Variants in ULK1 observed in about 807,000 individuals in gnomAD.
ULK1 encodes the protein unc-51 like autophagy activating kinase 1.
Under a neutral mutation model 117.5 loss-of-function variants are expected in ULK1, and 48 were observed. The ratio of observed to expected loss-of-function variants is 0.41; its 90% CI spans 0.32 to 0.52. The LOEUF is 0.52. Ranked by LOEUF, ULK1 falls within the 20% of genes least tolerant of loss-of-function variation. The pLI is 0.29. For synonymous variants in ULK1, 790 were observed against 637.8 expected (o/e 1.24, Z -3.60); for missense variants, 1,387 against 1,473.4 (o/e 0.94, Z 0.96).
At chr12:131,918,837 TGGGGTGTCG>T (rs1890000128) in intron 23 of ULK1, among the ~76,000 whole-genome samples, 156 bp downstream of exon 23, 9 of 57,858 alleles carry the variant, frequency 1.6e-4, no homozygotes, top group Non-Finnish European at 2.8e-4. Flanking sequence ...GTGTGGGGTG[TGGGGTGTCG>T]GGTGTGTGGG....
At position 131,922,823 on chromosome 12, in the gene ULK1, GTGACTTCTTCCTCA is replaced by G. The variant is rs1890207898; in HGVS notation, c.*1464_*1477del. ...TTGGACTTAGAAGAAGAAAATCCCC[GTGACTTCTTCCTCA>G]TCACCTTGATGGCTTTATTCTCACC... is the stretch of plus-strand genomic sequence containing the variant. On this transcript the variant is annotated 3_prime_UTR_variant, in exon 28 of 28. Coordinates refer to ENST00000321867, the MANE Select transcript of ULK1 (RefSeq NM_003565.4). 6.6e-6 allele frequency: 1 copy of G among 152,494 alleles called. No homozygotes were observed. The highest frequency in any genetic ancestry group is 1.5e-5 in the Non-Finnish European group (1 of 68,040). 9.4% of individuals were successfully genotyped at this position (152,494 alleles called of 1,614,324 possible).
chr12:131,910,166 C>CG, intron 10 of ULK1, 88 bp from the exon 11 acceptor site: 1 of 1,588,246 alleles, frequency 6.3e-7, no homozygotes, highest in Non-Finnish European at 8.6e-7. Flanking sequence ...AGGTGCCCAA[C>CG]GCGGCTGGAG....
intron 3 of ULK1, chr12:131,898,372 A>G (rs1246937629): frequency 6.6e-6 from 1 of 152,096 alleles, no homozygotes; most frequent in Non-Finnish European, 1.5e-5. Flanking sequence ...ACCTCCGGAG[A>G]GGCAATGCCA....
rs1280442131 is a variant in ULK1, at chr12:131,922,000, G to A, written c.*639G>A. On this transcript the variant is annotated 3_prime_UTR_variant, in exon 28 of 28. Transcript: ENST00000321867. The stretch of plus-strand genomic sequence containing the variant: ...TGCTGCCCAGGTCTGGACCTCAGCG[G>A]GAGAACTGGCTCCGGGGGGAGTGGG... 2.2e-6 allele frequency: 1 copy of A among 455,122 alleles called. No individual in the cohort carries two copies. Among genetic ancestry groups the A allele is most frequent in the African/African-American group, 2.0e-5 (1 of 50,058 alleles). The allele number at this position is 455,122 out of a possible 1,614,324, so 28.2% of individuals were successfully genotyped here. A position where few individuals can be genotyped will look rare whatever the true frequency, so the allele number is the denominator to read the frequency against.
chr12:131,912,045 C>A lies in ULK1; in HGVS notation c.1052C>A (p.Ser351Tyr). The A allele has an allele frequency of 6.2e-7, 1 of 1,612,846 alleles. No homozygotes were observed. The highest frequency in any genetic ancestry group is 8.5e-7 in the Non-Finnish European group (1 of 1,179,944). Residue 351 changes from serine to tyrosine, a missense_variant, in exon 13 of 28, where the codon TCC becomes TAC. Ser to Tyr is a moderately radical substitution (Grantham distance 144). Transcript: ENST00000321867. ...GACTCTGGTGGCAGCAAGGACTCTT[C>A]CTGTGACACAGACGACTTCGTCATG... ...SRDSGGSKDSSCDTDDFVMVP... is the reference protein window; with the variant it reads ...SRDSGGSKDSYCDTDDFVMVP...
At position 131,914,397 on chromosome 12, in the gene ULK1, C is replaced by A; in HGVS notation, c.1293C>A (p.Pro431=). 1 of 1,612,652 alleles carries A rather than the reference C, an allele frequency of 6.2e-7. No homozygotes were observed. The highest frequency in any genetic ancestry group is 1.1e-5 in the South Asian group (1 of 91,086). The change falls in exon 16 of 28, where the codon CCC becomes CCA. Residue 431 remains proline (P), a synonymous_variant. Transcript: ENST00000321867. The part of the protein sequence containing the change: ...FSSSRCGASV[P]IPVPTQVQNY... The stretch of plus-strand genomic sequence containing the variant: ...GCAGCAGGTGCGGCGCCTCTGTCCC[C>A]ATCCCAGTCCCCACGCAGGTGCAGA...
At chr12:131,898,885 CT>C (rs146317973) in intron 3 of ULK1, among the ~76,000 whole-genome samples, 57 of 145,456 alleles carry the variant, frequency 3.9e-4, no homozygotes, top group African/African-American at 3.5e-4. Flanking sequence ...TAGTGTATTT[CT>C]TTTTTTTTTT....
chr12:131,915,319 C>G lies in ULK1; in HGVS notation c.1523-16C>G. 1 of 1,612,486 alleles carries G rather than the reference C, an allele frequency of 6.2e-7. No individual in the cohort carries two copies. The highest frequency in any genetic ancestry group is 8.5e-7 in the Non-Finnish European group (1 of 1,179,800). ...CTGTCCCAGCTGGACCCTGACAGATCTCTCTTTTCCCCAAGTTGGAACCAT... is the reference window on the plus strand; with the variant it reads ...CTGTCCCAGCTGGACCCTGACAGATGTCTCTTTTCCCCAAGTTGGAACCAT... On this transcript the variant is annotated splice_polypyrimidine_tract_variant and intron_variant, in intron 17 of 27. Coordinates refer to ENST00000321867, the MANE Select transcript of ULK1 (RefSeq NM_003565.4).
rs56364352 is a variant in ULK1, at chr12:131,910,745, C to T, written c.893C>T (p.Ser298Leu). 1.9e-6 allele frequency: 3 copies of T among 1,612,938 alleles called. No individual in the cohort carries two copies. The highest frequency in any genetic ancestry group is 2.2e-5 in the South Asian group (2 of 91,086). Residue 298 changes from serine to leucine, a missense_variant, in exon 12 of 28, where the codon TCG (serine) becomes TTG (leucine). Coordinates refer to ENST00000321867, the MANE Select transcript of ULK1 (RefSeq NM_003565.4). Reference sequence around the variant, plus strand: ...GTGCCTGTGCCCTCGTACCCAAGCTCGGGGTCCGGCAGCAGCTCCAGCAGC... The same window carrying T: ...GTGCCTGTGCCCTCGTACCCAAGCTTGGGGTCCGGCAGCAGCTCCAGCAGC... ...PPVPVPSYPS[S>L]GSGSSSSSSS...
chr12:131,895,188 C>A, intron 1 of ULK1, 76 bp downstream of exon 1: 1 of 1,154,046 alleles, frequency 8.7e-7, no homozygotes, highest in Non-Finnish European at 1.2e-6. Flanking sequence ...GATTCCCCGC[C>A]TGTCCCGGGA....
intron 7 of ULK1, 25 bp from the exon 8 acceptor site, chr12:131,909,111 A>G (rs1393692837): frequency 1.9e-6 from 3 of 1,600,402 alleles, no homozygotes; most frequent in Non-Finnish European, 2.6e-6. Flanking sequence ...GGGGCCTCAC[A>G]CTGACCCGAC....
intron 24 of ULK1, 33 bp from the exon 25 acceptor site, chr12:131,919,439 A>G (rs1375414869): frequency 6.3e-7 from 1 of 1,595,352 alleles, no homozygotes; most frequent in Admixed American, 1.7e-5. Context: ...GCCAGGACCA[A>G]CCGGCCTCCT....
Position 131,913,754 on chromosome 12 carries a change from C to G in ULK1, c.1165C>G (p.Leu389Val), listed in dbSNP as rs371951450. The change falls in exon 15 of 28, where the codon CTG becomes GTG. Residue 389 changes from leucine (L) to valine (V), a missense_variant. Physicochemically the swap from Leu to Val is conservative, Grantham distance 32. Transcript: ENST00000321867. ...CTCCCTTCTGCCCCACAGGAGCTCACTGGTGGCCTCTGCGGGCTTGGAGAG... is the reference window on the plus strand; with the variant it reads ...CTCCCTTCTGCCCCACAGGAGCTCAGTGGTGGCCTCTGCGGGCTTGGAGAG... Reference protein sequence around the residue: ...PDSLMCSGSSLVASAGLESHG... With the variant: ...PDSLMCSGSSVVASAGLESHG... 2.1e-5 allele frequency: 33 copies of G among 1,550,756 alleles called. No homozygotes were observed. Among genetic ancestry groups the G allele is most frequent in the African/African-American group, 2.8e-5 (2 of 71,144 alleles).
Position 131,901,024 on chromosome 12 carries a change from C to T in ULK1, c.246+5200C>T, listed in dbSNP as rs140532627. Among the ~76,000 whole-genome samples, 200 of 151,906 alleles carry T rather than the reference C, an allele frequency of 1.3e-3. 1 individual carries two copies. Among genetic ancestry groups the T allele is most frequent in the African/African-American group, 4.3e-3 (176 of 41,392 alleles). On this transcript the variant is annotated intron_variant, in intron 3 of 27. Transcript: ENST00000321867. ...GCCCAGGCAGTTCTGGAATTACCTC[C>T]GAAGTTGTGTATATCTTTTTTTTTT...
intron 14 of ULK1, among the ~76,000 whole-genome samples, 169 bp downstream of exon 14, chr12:131,913,427 G>A (rs1889630267): frequency 6.6e-6 from 1 of 150,980 alleles, no homozygotes; most frequent in African/African-American, 2.4e-5. Context: ...GGCCCGTGGT[G>A]GCTCACGCCT....
At chr12:131,917,259 TGGG>T in intron 21 of ULK1, 149 bp from the exon 22 acceptor site, 1 of 871,276 alleles carries the variant, frequency 1.1e-6, no homozygotes, top group Non-Finnish European at 1.5e-6. Context: ...TCGGAGGCTG[TGGG>T]ACGGGGGTCG....
At position 131,919,196 on chromosome 12, in the gene ULK1, C is replaced by A. The variant is rs769104935; in HGVS notation, c.2512-16C>A. 6.3e-7 allele frequency: 1 copy of A among 1,584,314 alleles called. No homozygotes were observed. Among genetic ancestry groups the A allele is most frequent in the Non-Finnish European group, 8.5e-7 (1 of 1,171,712 alleles). On this transcript the variant is annotated splice_polypyrimidine_tract_variant and intron_variant, in intron 23 of 27. Transcript: ENST00000321867. ...GCCCGGGCAGCACTTGCCGCCCTGA[C>A]GGCCGCTTCCTGCAGCAAGAGCACA...
rs565801324 is a variant in ULK1 at position 131,910,853 on chromosome 12, G to A, written c.948+53G>A. The stretch of plus-strand genomic sequence containing the variant: ...GCTTCTCCCTCCACTCAGCAGTCAG[G>A]GGCTCCAGCCCTGGGCCCCCGCGGG... On this transcript the variant is annotated intron_variant, in intron 12 of 27. Transcript: ENST00000321867. 313 of 1,607,224 alleles carry A rather than the reference G, an allele frequency of 1.9e-4. No individual in the cohort carries two copies. The African/African-American group carries it at 3.6e-3, about 18-fold the overall frequency.
In ULK1 at chr12:131,916,526, C is replaced by T. The variant is rs200684485; in HGVS notation, c.2007C>T (p.Pro669=). The T allele has an allele frequency of 1.2e-6, 2 of 1,611,158 alleles. No individual in the cohort carries two copies. Among genetic ancestry groups the T allele is most frequent in the Non-Finnish European group, 1.7e-6 (2 of 1,179,684 alleles). ...TGCCCGACCTCTCGGAGGTGGGACC[C>T]TTCCATGGTCAGCCGTTGGGCCCTG... The part of the protein sequence containing the change: ...RTLPDLSEVG[P]FHGQPLGPGL... The change falls in exon 20 of 28, where the codon CCC becomes CCT. Residue 669 remains proline, a synonymous_variant. Coordinates refer to ENST00000321867, the MANE Select transcript of ULK1 (RefSeq NM_003565.4).
Sources: gnomAD v4.1 joint callset for allele counts (sites outside exome capture counted in the v4.1 genomes callset) on GRCh38, gnomAD v4.1.1 for gene constraint, MANE v1.5 for transcripts, NCBI Gene and HGNC (gene_info 2026-07-23, HGNC 2026-07-21) for gene names.